The following PAFAH1B1 variants were observed in gnomAD, a reference collection of about 807,000 sequenced individuals.
PAFAH1B1 encodes platelet activating factor acetylhydrolase 1b regulatory subunit 1.
A neutral mutation model predicts 57.5 loss-of-function variants in PAFAH1B1; 2 were observed. The ratio of observed to expected loss-of-function variants is 0.03; its 90% confidence interval spans 0.01 to 0.11. The LOEUF (loss-of-function observed/expected upper bound fraction) is 0.11, where lower values mean the gene tolerates loss of function less well. Among genes scored for constraint, PAFAH1B1 ranks in the 10% least tolerant of loss-of-function variants. PAFAH1B1 has a pLI of 1.00. For synonymous variants in PAFAH1B1, 152 were observed against 169.6 expected, an observed-to-expected ratio of 0.90 and a Z score of 0.81; for missense variants, 257 against 512.0, an observed-to-expected ratio of 0.50 and a Z score of 4.81.
At chr17:2,604,080 C>T (rs545360034) in intron 1 of PAFAH1B1, among the ~76,000 whole-genome samples, 5 of 149,988 alleles carry the variant, frequency 3.3e-5, no homozygotes, top group East Asian at 2.0e-4. Flanking sequence ...GAGGTCTTGT[C>T]GCCCAGGAGT....
chr17:2,668,213 C>G (rs981629478), intron 5 of PAFAH1B1, among the ~76,000 whole-genome samples: 1 of 151,792 alleles, frequency 6.6e-6, no homozygotes, highest in African/African-American at 2.4e-5. Context: ...GTAGTCCCAG[C>G]TACTTGGAAG....
intron 1 of PAFAH1B1, among the ~76,000 whole-genome samples, chr17:2,615,939 G>C (rs1037142757): frequency 3.3e-5 from 5 of 152,306 alleles, no homozygotes; most frequent in Non-Finnish European, 5.9e-5. Flanking sequence ...GGAGAGAAAA[G>C]TAAAGAGAGG....
chr17:2,661,791 A>G (rs1442363571), intron 2 of PAFAH1B1, among the ~76,000 whole-genome samples: 1 of 152,166 alleles, frequency 6.6e-6, no homozygotes, highest in Admixed American at 6.6e-5. Context: ...GCTAGAGTAT[A>G]CAGTTTGTAA....
chr17:2,657,871 C>T (rs1376175527), intron 2 of PAFAH1B1, among the ~76,000 whole-genome samples: 1 of 152,126 alleles, frequency 6.6e-6, no homozygotes, highest in Non-Finnish European at 1.5e-5. Flanking sequence ...ATCCCTTCTT[C>T]CTCTTTCCTT....
chr17:2,634,304 T>G (rs986112679), intron 1 of PAFAH1B1, among the ~76,000 whole-genome samples: 1 of 152,008 alleles, frequency 6.6e-6, no homozygotes, highest in Non-Finnish European at 1.5e-5. Context: ...CCCAGCTAAT[T>G]TTTTGTATTT....
At chr17:2,626,385 G>T (rs762523868) in intron 1 of PAFAH1B1, among the ~76,000 whole-genome samples, 3 of 152,096 alleles carry the variant, frequency 2.0e-5, no homozygotes, top group Non-Finnish European at 4.4e-5. Flanking sequence ...TGTGCTTTCT[G>T]ATAGCAAAAA....
chr17:2,660,132 A>G (rs2068995152), intron 2 of PAFAH1B1, among the ~76,000 whole-genome samples: 1 of 151,590 alleles, frequency 6.6e-6, no homozygotes, highest in Non-Finnish European at 1.5e-5. Context: ...CCCTGCAGAC[A>G]TCTCAGATTT....
intron 8 of PAFAH1B1, 93 bp downstream of exon 8, chr17:2,674,381 C>A (rs1285559511): frequency 1.1e-6 from 1 of 899,350 alleles, no homozygotes; most frequent in East Asian, 2.5e-5. Flanking sequence ...GCTGTTAATG[C>A]ATTTAAAAAT....
intron 2 of PAFAH1B1, among the ~76,000 whole-genome samples, chr17:2,657,232 C>T (rs995154808): frequency 6.6e-6 from 1 of 152,018 alleles, no homozygotes; most frequent in Non-Finnish European, 1.5e-5. Flanking sequence ...GTTTAAAAAT[C>T]AAGAATGTTG....
At chr17:2,618,355 A>G (rs1275757149) in intron 1 of PAFAH1B1, among the ~76,000 whole-genome samples, 2 of 152,200 alleles carry the variant, frequency 1.3e-5, no homozygotes, top group African/African-American at 2.4e-5. Context: ...CTTCAAGAAC[A>G]TGAAGTTAAT....
intron 8 of PAFAH1B1, chr17:2,676,281 G>A (rs1034951751): frequency 3.4e-5 from 16 of 472,508 alleles, no homozygotes; most frequent in African/African-American, 2.4e-4. Context: ...GGGAGGCTGA[G>A]GCAGGAGATT....
intron 2 of PAFAH1B1, among the ~76,000 whole-genome samples, chr17:2,664,781 A>C (rs928795802): frequency 6.6e-6 from 1 of 152,016 alleles, no homozygotes; most frequent in Non-Finnish European, 1.5e-5. Flanking sequence ...CAAACATGAA[A>C]AGGCTAATTC....
chr17:2,609,227 C>T (rs2068238926), intron 1 of PAFAH1B1, among the ~76,000 whole-genome samples: 2 of 152,104 alleles, frequency 1.3e-5, no homozygotes. Flanking sequence ...TGGGGCTGGT[C>T]TCAGACTCCT....
chr17:2,621,157 G>A (rs932359226), intron 1 of PAFAH1B1, among the ~76,000 whole-genome samples: 1 of 151,834 alleles, frequency 6.6e-6, no homozygotes, highest in Non-Finnish European at 1.5e-5. Flanking sequence ...AGGTGTATAT[G>A]TGCAGGTTTG....
At chr17:2,641,029 G>C (rs925700136) in intron 2 of PAFAH1B1, 3 of 152,162 alleles carry the variant, frequency 2.0e-5, no homozygotes, top group Non-Finnish European at 4.4e-5. Flanking sequence ...TACTACAGTG[G>C]TTATAGAGTG....
rs1209043727 is a variant in PAFAH1B1 at position 2,672,766 on chromosome 17, G to C, written c.671+9G>C. 1 of 1,574,282 alleles carries C rather than the reference G, an allele frequency of 6.4e-7. No homozygotes were observed. Among genetic ancestry groups the C allele is most frequent in the Admixed American group, 1.7e-5 (1 of 59,944 alleles). Reference sequence around the variant, plus strand: ...TGGGAAGTGCAAACTGGGTAAGTAAGTTTAGTTGAAAAGGCATCAGCGGCC... The same window carrying C: ...TGGGAAGTGCAAACTGGGTAAGTAACTTTAGTTGAAAAGGCATCAGCGGCC... On this transcript the variant is annotated intron_variant, in intron 7 of 10. Transcript: ENST00000397195.
chr17:2,593,531 T>G (rs571287515), upstream of PAFAH1B1, among the ~76,000 whole-genome samples: 1,831 of 150,452 alleles, frequency 0.012, 33 homozygotes, highest in African/African-American at 0.042. Context: ...GCCCGGCGCA[T>G]GCGCCGCAGC....
chr17:2,653,612 T>G (rs2068896914), intron 2 of PAFAH1B1, among the ~76,000 whole-genome samples: 1 of 152,168 alleles, frequency 6.6e-6, no homozygotes, highest in African/African-American at 2.4e-5. Flanking sequence ...AGGGACTGTT[T>G]GCACTGTTTA....
chr17:2,619,537 TTTTTTTTTTG>T (rs2068392397), intron 1 of PAFAH1B1, among the ~76,000 whole-genome samples: 1 of 41,326 alleles, frequency 2.4e-5, no homozygotes, highest in Non-Finnish European at 6.9e-5. Flanking sequence ...CCCTTACCTG[TTTTTTTTTTG>T]TTTTTTTTCC....
Sources: allele counts gnomAD v4.1 joint callset (sites outside exome capture counted in the v4.1 genomes callset), GRCh38; gene constraint gnomAD v4.1.1; transcripts MANE v1.5; gene names NCBI Gene and HGNC (gene_info 2026-07-23, HGNC 2026-07-21).